PDK1: variants seen among roughly 807,000 people sequenced by gnomAD.
PDK1 encodes [Pyruvate dehydrogenase (acetyl-transferring)] kinase isozyme 1, mitochondrial.
In PDK1, 39 loss-of-function variants were observed where a neutral mutation model predicts 54.2. The observed-to-expected ratio is 0.72, with a 90% CI of 0.56 to 0.94. The LOEUF is 0.94. Among genes scored for constraint, PDK1 ranks in the 40% least tolerant of loss-of-function variants. The pLI is 0.00. For missense variants in PDK1, 552 were observed against 566.0 expected, an observed-to-expected ratio of 0.98 and a Z score of 0.25; for synonymous variants, 221 against 207.1, an observed-to-expected ratio of 1.07 and a Z score of -0.58.
chr2:172,613,866 G>A, the PDK1 span, among the ~76,000 whole-genome samples: 4 of 152,104 alleles, frequency 2.6e-5, no homozygotes, highest in Middle Eastern at 3.2e-3. Context: ...CCTGCTCTAC[G>A]GAGCAGGCAG....
the PDK1 span, among the ~76,000 whole-genome samples, chr2:172,667,927 G>A: frequency 2.0e-5 from 3 of 152,168 alleles, no homozygotes; most frequent in South Asian, 2.1e-4. Flanking sequence ...GCTTCCAAAT[G>A]CATTGTTATC....
intron 2 of PDK1, among the ~76,000 whole-genome samples, chr2:172,561,954 G>A (rs1228638765): frequency 6.6e-6 from 1 of 151,956 alleles, no homozygotes; most frequent in Non-Finnish European, 1.5e-5. Flanking sequence ...AAAATTAAAA[G>A]CCATTTTAGA....
chr2:172,692,617 G>A, the PDK1 span, among the ~76,000 whole-genome samples: 1 of 152,144 alleles, frequency 6.6e-6, no homozygotes, highest in Non-Finnish European at 1.5e-5. Flanking sequence ...CCCAAGTTGG[G>A]GGTTAGGGCA....
At chr2:172,649,779 G>A in the PDK1 span, among the ~76,000 whole-genome samples, 1 of 152,156 alleles carries the variant, frequency 6.6e-6, no homozygotes, top group African/African-American at 2.4e-5. Context: ...GAGAACAGAA[G>A]TTTAGAGAAC....
At chr2:172,620,045 A>T in the PDK1 span, among the ~76,000 whole-genome samples, 1 of 152,198 alleles carries the variant, frequency 6.6e-6, no homozygotes, top group Non-Finnish European at 1.5e-5. Flanking sequence ...GTTCACCTGT[A>T]ATCCTAGCTA....
At chr2:172,630,965 C>A in the PDK1 span, among the ~76,000 whole-genome samples, 1 of 152,110 alleles carries the variant, frequency 6.6e-6, no homozygotes, top group Non-Finnish European at 1.5e-5. Context: ...CCTTCTCCAT[C>A]CCCAGGTACT....
the PDK1 span, among the ~76,000 whole-genome samples, chr2:172,680,104 A>G: frequency 0.019 from 2,908 of 152,256 alleles, 64 homozygotes; most frequent in Admixed American, 0.061. Context: ...TTGACCCCCA[A>G]GTTCAACCCC....
the PDK1 span, among the ~76,000 whole-genome samples, chr2:172,643,572 TC>T: frequency 2.0e-5 from 3 of 152,156 alleles, no homozygotes; most frequent in Non-Finnish European, 1.5e-5. Context: ...AGGTCTATCT[TC>T]CTGGGGACAG....
chr2:172,566,708 AAAAAGC>A, intron 5 of PDK1, 142 bp from the exon 6 acceptor site: 1 of 517,294 alleles, frequency 1.9e-6, no homozygotes, highest in Non-Finnish European at 3.3e-6. Context: ...AAAAAAAAAA[AAAAAGC>A]AGACTTTCAC....
the PDK1 span, among the ~76,000 whole-genome samples, chr2:172,706,094 T>C: frequency 1.3e-5 from 2 of 152,210 alleles, no homozygotes; most frequent in Non-Finnish European, 2.9e-5. Context: ...AGAACATTTC[T>C]GTCATCACAA....
chr2:172,675,335 C>A, the PDK1 span, among the ~76,000 whole-genome samples: 1 of 152,128 alleles, frequency 6.6e-6, no homozygotes. Context: ...TGTTGGAAGC[C>A]AAGATTGGCC....
the PDK1 span, among the ~76,000 whole-genome samples, chr2:172,642,624 G>A: frequency 6.6e-6 from 1 of 152,188 alleles, no homozygotes; most frequent in East Asian, 1.9e-4. Flanking sequence ...CTTTGAGCCA[G>A]CGAGAGAATG....
the PDK1 span, among the ~76,000 whole-genome samples, chr2:172,622,705 TATATTATGTGAGATATGTTTATATCTC>T: frequency 3.5e-4 from 41 of 118,260 alleles, no homozygotes; most frequent in African/African-American, 1.1e-3. Flanking sequence ...TTATATCTCA[TATATTATGTGAGATATGTTTATATCTC>T]ATATTATGTG....
chr2:172,628,056 T>G, the PDK1 span, among the ~76,000 whole-genome samples: 34 of 152,224 alleles, frequency 2.2e-4, no homozygotes, highest in African/African-American at 6.3e-4. Flanking sequence ...TTTGAATCTG[T>G]CTATGACCTA....
rs1447401271 is a variant in PDK1 at position 172,606,600 on chromosome 2, G to A, written c.*10631G>A. 6.6e-6 allele frequency: 1 copy of A among 152,112 alleles called. No homozygotes were observed. Among genetic ancestry groups the A allele is most frequent in the Non-Finnish European group, 1.5e-5 (1 of 68,032 alleles). 9.4% of individuals were successfully genotyped at this position (152,112 alleles called of 1,614,324 possible). On this transcript the variant is annotated 3_prime_UTR_variant, in exon 11 of 11. Transcript: ENST00000282077. ...TCTGGCTTTCAGAGGACCTTTCATG[G>A]TTGTCAGGTTAAGTTCCTGATACAG...
Position 172,607,902 on chromosome 2 carries a change from G to A in PDK1, c.*11933G>A, listed in dbSNP as rs542043239. On this transcript the variant is annotated 3_prime_UTR_variant, in exon 11 of 11. Transcript: ENST00000282077. The stretch of plus-strand genomic sequence containing the variant: ...ACTTACACTCCAAGACATTTCCTGG[G>A]CAGTGATCTAGAAATGATATTTTTA... The A allele has an allele frequency of 1.3e-5, 2 of 152,288 alleles. No individual in the cohort carries two copies. The highest frequency in any genetic ancestry group is 4.8e-5 in the African/African-American group (2 of 41,554). 9.4% of individuals were successfully genotyped at this position (152,288 alleles called of 1,614,324 possible).
At chr2:172,558,590 G>C (rs1574458186) in intron 1 of PDK1, 118 bp from the exon 2 acceptor site, 1 of 833,172 alleles carries the variant, frequency 1.2e-6, no homozygotes, top group East Asian at 2.6e-5. Context: ...CTGCCCCATC[G>C]TGGTGATTCT....
chr2:172,706,335 A>T, the PDK1 span, among the ~76,000 whole-genome samples: 1 of 151,622 alleles, frequency 6.6e-6, no homozygotes, highest in Non-Finnish European at 1.5e-5. Flanking sequence ...GCTTATTGTA[A>T]CATTTTTATG....
the PDK1 span, among the ~76,000 whole-genome samples, chr2:172,656,556 TTTCCCTGGAA>T: frequency 0.015 from 2,275 of 152,314 alleles, 20 homozygotes; most frequent in Non-Finnish European, 0.022. Context: ...GGTAAAATAG[TTTCCCTGGAA>T]GGCAAGCTTT....
Sources: allele counts gnomAD v4.1 joint callset (sites outside exome capture counted in the v4.1 genomes callset), GRCh38; gene constraint gnomAD v4.1.1; transcripts MANE v1.5; gene names NCBI Gene and HGNC (gene_info 2026-07-23, HGNC 2026-07-21).